Variants in PTPRD observed in about 807,000 individuals in gnomAD.
PTPRD encodes the protein protein tyrosine phosphatase receptor type D.
A neutral mutation model predicts 214.5 loss-of-function variants in PTPRD; 34 were observed. That is an observed-to-expected ratio of 0.16 (90% CI 0.12 to 0.21). The LOEUF is 0.21. PTPRD is among the 10% of genes least tolerant of loss of function. PTPRD has a pLI of 1.00. For synonymous variants in PTPRD, 1,128 were observed against 845.7 expected (o/e 1.33, Z -5.79); for missense variants, 2,545 against 2,398.7 (o/e 1.06, Z -1.27).
chr9:10,067,326 A>G (rs1159269542), intron 3 of PTPRD, among the ~76,000 whole-genome samples: 1 of 151,940 alleles, frequency 6.6e-6, no homozygotes, highest in African/African-American at 2.4e-5. Flanking sequence ...AGCTACAATT[A>G]TAATGGCACG....
intron 39 of PTPRD, among the ~76,000 whole-genome samples, chr9:8,346,399 T>C (rs1857642423): frequency 6.6e-6 from 1 of 152,174 alleles, no homozygotes; most frequent in African/African-American, 2.4e-5. Context: ...AGTAGTCCCC[T>C]TTTATCTGTG....
Position 8,447,834 on chromosome 9 carries a change from G to A in PTPRD, c.3988+1891C>T, listed in dbSNP as rs147779717. On this transcript the variant is annotated intron_variant, in intron 34 of 45. Coordinates refer to ENST00000381196, the MANE Select transcript of PTPRD (RefSeq NM_002839.4). ...TTATGTGAAAAACAGAGGAAGGAGG[G>A]GCAGTGGAGAGCTAGCAGCAAGGTA... 6.6e-5 allele frequency among the ~76,000 whole-genome samples: 10 copies of A among 152,262 alleles called. No individual in the cohort carries two copies. The East Asian group carries it at 1.7e-3, about 26-fold the overall frequency.
At chr9:8,645,529 G>C (rs1246300148) in intron 12 of PTPRD, among the ~76,000 whole-genome samples, 1 of 152,034 alleles carries the variant, frequency 6.6e-6, no homozygotes, top group African/African-American at 2.4e-5. Flanking sequence ...AATTCCTTTA[G>C]AATGAGTATT....
chr9:9,557,868 G>A (rs2081926763), intron 8 of PTPRD, among the ~76,000 whole-genome samples: 1 of 152,172 alleles, frequency 6.6e-6, no homozygotes, highest in African/African-American at 2.4e-5. Context: ...AGGGGCTATA[G>A]GCAGGTGAAT....
intron 3 of PTPRD, among the ~76,000 whole-genome samples, chr9:10,236,623 T>A (rs1024055903): frequency 6.6e-6 from 1 of 151,884 alleles, no homozygotes; most frequent in Non-Finnish European, 1.5e-5. Flanking sequence ...ATTTTCTATA[T>A]GGTGGATCAT....
At chr9:9,173,973 C>T (rs889097486) in intron 10 of PTPRD, among the ~76,000 whole-genome samples, 4 of 152,120 alleles carry the variant, frequency 2.6e-5, no homozygotes, top group East Asian at 1.9e-4. Flanking sequence ...ATTGCAAATG[C>T]CTCAGAGAAT....
intron 9 of PTPRD, among the ~76,000 whole-genome samples, chr9:9,242,841 G>C (rs778228824): frequency 6.6e-6 from 1 of 152,112 alleles, no homozygotes; most frequent in Non-Finnish European, 1.5e-5. Flanking sequence ...CTCTCAACTT[G>C]TCAAAGTCAT....
intron 11 of PTPRD, among the ~76,000 whole-genome samples, chr9:8,761,336 T>A (rs2094400618): frequency 6.6e-6 from 1 of 152,158 alleles, no homozygotes; most frequent in Non-Finnish European, 1.5e-5. Context: ...AAGAATAATT[T>A]GATAAAGTGA....
chr9:8,614,511 A>C (rs1170004771), intron 14 of PTPRD, among the ~76,000 whole-genome samples: 1 of 152,194 alleles, frequency 6.6e-6, no homozygotes, highest in Non-Finnish European at 1.5e-5. Context: ...GGGTAGACTG[A>C]AATAGAGAAG....
intron 11 of PTPRD, among the ~76,000 whole-genome samples, chr9:8,985,735 A>G (rs1037371325): frequency 1.3e-5 from 2 of 151,900 alleles, no homozygotes; most frequent in Non-Finnish European, 2.9e-5. Context: ...GAGAAGTTAT[A>G]TATGCTTTGA....
chr9:8,343,266 T>C (rs1223576842), intron 39 of PTPRD, among the ~76,000 whole-genome samples: 1 of 152,148 alleles, frequency 6.6e-6, no homozygotes, highest in African/African-American at 2.4e-5. Context: ...GGGAATTTGA[T>C]ATAACCACTA....
chr9:10,342,553 G>A (rs78558168), intron 2 of PTPRD, among the ~76,000 whole-genome samples: 1 of 151,680 alleles, frequency 6.6e-6, no homozygotes, highest in African/African-American at 2.4e-5. Flanking sequence ...ATATTTCATG[G>A]TAAATTATTT....
chr9:9,842,961 A>G (rs2058687749), intron 5 of PTPRD, among the ~76,000 whole-genome samples: 1 of 152,132 alleles, frequency 6.6e-6, no homozygotes, highest in South Asian at 2.1e-4. Flanking sequence ...TAAGTTGTTT[A>G]GAGATCACTA....
chr9:8,437,859 T>C (rs1300830786), intron 34 of PTPRD, among the ~76,000 whole-genome samples: 2 of 152,212 alleles, frequency 1.3e-5, no homozygotes, highest in African/African-American at 2.4e-5. Flanking sequence ...TAATCCACTA[T>C]TAATTTTGGT....
At chr9:8,568,578 A>G (rs2090137568) in intron 14 of PTPRD, among the ~76,000 whole-genome samples, 1 of 152,186 alleles carries the variant, frequency 6.6e-6, no homozygotes. Flanking sequence ...ACTCATTCTC[A>G]GCTTCAGTAG....
intron 7 of PTPRD, among the ~76,000 whole-genome samples, chr9:9,631,518 CT>C (rs572370104): frequency 6.6e-6 from 1 of 152,016 alleles, no homozygotes; most frequent in Non-Finnish European, 1.5e-5. Context: ...AGTATAGGGC[CT>C]TTTTTTCTTG....
At chr9:9,649,575 T>G (rs191736836) in intron 7 of PTPRD, among the ~76,000 whole-genome samples, 25 of 152,322 alleles carry the variant, frequency 1.6e-4, no homozygotes, top group African/African-American at 6.0e-4. Context: ...ATATCTACCC[T>G]ACTTTGAGTG....
intron 2 of PTPRD, among the ~76,000 whole-genome samples, chr9:10,507,568 C>T (rs978988746): frequency 6.6e-6 from 1 of 152,036 alleles, no homozygotes; most frequent in Non-Finnish European, 1.5e-5. Flanking sequence ...ACTACAGTAA[C>T]CAAAACAGCA....
chr9:9,913,929 C>T (rs113224571), intron 5 of PTPRD, among the ~76,000 whole-genome samples: 2,080 of 152,276 alleles, frequency 0.014, 26 homozygotes, highest in Non-Finnish European at 0.022. Flanking sequence ...GGGGCCAACA[C>T]AGGGCACCAT....
Sources: gnomAD v4.1 joint callset for allele counts (sites outside exome capture counted in the v4.1 genomes callset) on GRCh38, gnomAD v4.1.1 for gene constraint, MANE v1.5 for transcripts, NCBI Gene and HGNC (gene_info 2026-07-23, HGNC 2026-07-21) for gene names.